Variants in EMILIN2 observed in about 807,000 individuals in gnomAD.
The protein encoded by EMILIN2 is EMILIN-2.
EMILIN2 carries 71 observed loss-of-function variants against 87.1 expected under a neutral mutation model. The ratio of observed to expected loss-of-function variants is 0.82; its 90% confidence interval spans 0.67 to 0.99. EMILIN2 has a LOEUF of 0.99. EMILIN2 is among the 50% of genes least tolerant of loss of function. The pLI, the probability that EMILIN2 is intolerant of heterozygous loss-of-function variation, is 0.00. For synonymous variants in EMILIN2, 581 were observed against 563.4 expected (o/e 1.03, Z -0.44); for missense variants, 1,407 against 1,371.8 (o/e 1.03, Z -0.40).
intron 2 of EMILIN2, among the ~76,000 whole-genome samples, chr18:2,869,919 A>G (rs1467350261): frequency 6.6e-6 from 1 of 152,110 alleles, no homozygotes; most frequent in Non-Finnish European, 1.5e-5. Context: ...AACAACTGAT[A>G]TGGGAAATAC....
At chr18:2,912,729 G>A (rs192473472) in intron 7 of EMILIN2, among the ~76,000 whole-genome samples, 4 of 152,318 alleles carry the variant, frequency 2.6e-5, no homozygotes, top group Non-Finnish European at 5.9e-5. Context: ...TGGGTTGGTG[G>A]CAAGCTTCGT....
intron 4 of EMILIN2, among the ~76,000 whole-genome samples, chr18:2,901,084 T>A (rs2076886292): frequency 6.6e-6 from 1 of 152,204 alleles, no homozygotes; most frequent in African/African-American, 2.4e-5. Flanking sequence ...TGGCATCAAT[T>A]TCTGCCTGGA....
At chr18:2,905,645 T>C (rs978453069) in intron 4 of EMILIN2, among the ~76,000 whole-genome samples, 2 of 152,054 alleles carry the variant, frequency 1.3e-5, no homozygotes, top group Non-Finnish European at 2.9e-5. Flanking sequence ...CCCAGCTTAG[T>C]GAGGCTGGAG....
chr18:2,903,399 A>C (rs1337027444), intron 4 of EMILIN2, among the ~76,000 whole-genome samples: 2 of 152,176 alleles, frequency 1.3e-5, no homozygotes, highest in Admixed American at 1.3e-4. Flanking sequence ...TCATAATGAA[A>C]ACCAGCTCCC....
chr18:2,912,502 C>T (rs1054039379), intron 7 of EMILIN2, among the ~76,000 whole-genome samples: 1 of 152,218 alleles, frequency 6.6e-6, no homozygotes, highest in Admixed American at 6.5e-5. Context: ...CCACCTACAG[C>T]TGCTTCTGCT....
chr18:2,892,319 A>G lies in EMILIN2; in HGVS notation c.2192A>G (p.Asn731Ser), dbSNP rs1238520247. 1.9e-6 allele frequency: 3 copies of G among 1,614,096 alleles called. No homozygotes were observed. Among genetic ancestry groups the G allele is most frequent in the Non-Finnish European group, 2.5e-6 (3 of 1,180,040 alleles). ...GNLQRIKEGL[N>S]KHVSSLWNCV... ...CTTCAGAGGATCAAGGAGGGGCTCA[A>G]CAAGCATGTCAGCAGCCTGTGGAAC... The change falls in exon 4 of 8, where the codon AAC (asparagine) becomes AGC (serine). Residue 731 changes from asparagine (N) to serine (S), a missense_variant. Asn to Ser is a conservative substitution (Grantham distance 46). Coordinates refer to ENST00000254528, the MANE Select transcript of EMILIN2 (RefSeq NM_032048.3).
In EMILIN2 at chr18:2,913,558, T is replaced by TAC. The variant is rs1245061068; in HGVS notation, c.*155_*156dup. On this transcript the variant is annotated 3_prime_UTR_variant, in exon 8 of 8. Coordinates refer to ENST00000254528, the MANE Select transcript of EMILIN2 (RefSeq NM_032048.3). ...CCTCGCTGTTGAGGCCACCATGCCT[T>TAC]ACTGCATCCAGCCAGGCTGCAGGGA... 1 of 620,426 alleles carries TAC rather than the reference T, an allele frequency of 1.6e-6. No individual in the cohort carries two copies. The highest frequency in any genetic ancestry group is 2.7e-6 in the Non-Finnish European group (1 of 364,606). The allele number at this position is 620,426 out of a possible 1,614,324, so 38.4% of individuals were successfully genotyped here. A position where few individuals can be genotyped will look rare whatever the true frequency, so the allele number is the denominator to read the frequency against.
chr18:2,909,942 C>A, intron 7 of EMILIN2, 123 bp downstream of exon 7: 1 of 1,363,602 alleles, frequency 7.3e-7, no homozygotes, highest in Non-Finnish European at 1.0e-6. Context: ...CACCCTGGAG[C>A]AGATGCCCGA....
At chr18:2,846,836 C>G, upstream of EMILIN2, 1 of 985,404 alleles carries the variant, frequency 1.0e-6, no homozygotes, top group Non-Finnish European at 1.2e-6. This position sits in a 1 kb window ranked among gnomAD's most constrained non-coding sequence, Gnocchi z 5.3. Flanking sequence ...CAAACCCTTT[C>G]GCCCCTCCAC....
chr18:2,862,137 A>C (rs1182236421), intron 2 of EMILIN2, among the ~76,000 whole-genome samples: 6 of 152,198 alleles, frequency 3.9e-5, no homozygotes, highest in Admixed American at 6.5e-5. Context: ...TTTTGGGCTG[A>C]GACAGTGGGG....
intron 2 of EMILIN2, among the ~76,000 whole-genome samples, chr18:2,882,925 C>T (rs974409390): frequency 6.6e-6 from 1 of 151,896 alleles, no homozygotes; most frequent in South Asian, 2.1e-4. Flanking sequence ...CCTGTAATCT[C>T]AGCATTTTGG....
chr18:2,909,955 G>A (rs1275081471), intron 7 of EMILIN2, 136 bp downstream of exon 7: 2 of 1,212,372 alleles, frequency 1.6e-6, no homozygotes, highest in African/African-American at 1.5e-5. Flanking sequence ...ATGCCCGAGT[G>A]GGCCTGCACT....
At chr18:2,860,108 GA>G (rs1254122800) in intron 2 of EMILIN2, among the ~76,000 whole-genome samples, 2 of 152,166 alleles carry the variant, frequency 1.3e-5, no homozygotes, top group Non-Finnish European at 2.9e-5. Context: ...TGTGAAGAAT[GA>G]TGGTGTTATT....
At chr18:2,901,560 C>A (rs2076888266) in intron 4 of EMILIN2, among the ~76,000 whole-genome samples, 1 of 152,240 alleles carries the variant, frequency 6.6e-6, no homozygotes, top group Non-Finnish European at 1.5e-5. Flanking sequence ...GAGGCTGTGA[C>A]CCTACCCGAC....
intron 2 of EMILIN2, among the ~76,000 whole-genome samples, chr18:2,849,166 A>G (rs1013011604): frequency 6.6e-6 from 1 of 152,234 alleles, no homozygotes; most frequent in Non-Finnish European, 1.5e-5. Flanking sequence ...TCTCTTAGTA[A>G]GATTGAGACC....
rs533079911 is a variant in EMILIN2, at chr18:2,878,823, G to A, written c.258-6141G>A. ...GTTCCCACACACATGAATGGAGCAA[G>A]AAGAGCTGGCTCCAGGCCTCTGGGG... On this transcript the variant is annotated intron_variant, in intron 2 of 7. Transcript: ENST00000254528. Among the ~76,000 whole-genome samples the A allele has an allele frequency of 7.2e-5, 11 of 152,308 alleles. No homozygotes were observed. In the South Asian group the frequency reaches 1.7e-3, roughly 23 times the overall value.
intron 3 of EMILIN2, among the ~76,000 whole-genome samples, chr18:2,889,404 C>G (rs1427462719): frequency 1.3e-5 from 2 of 152,072 alleles, no homozygotes; most frequent in African/African-American, 2.4e-5. Context: ...TTCCAAAGTG[C>G]TGGGACTACA....
At chr18:2,911,865 A>C (rs2076942465) in intron 7 of EMILIN2, among the ~76,000 whole-genome samples, 1 of 147,976 alleles carries the variant, frequency 6.8e-6, no homozygotes, top group South Asian at 2.1e-4. Flanking sequence ...ACAAAGGTGA[A>C]GGCCACACTC....
At chr18:2,887,182 C>T (rs2076807242) in intron 3 of EMILIN2, among the ~76,000 whole-genome samples, 1 of 151,808 alleles carries the variant, frequency 6.6e-6, no homozygotes, top group African/African-American at 2.4e-5. Context: ...CTCAGTTTTT[C>T]TCTAGCTTCC....
Sources: allele counts gnomAD v4.1 joint callset (sites outside exome capture counted in the v4.1 genomes callset), GRCh38; gene constraint gnomAD v4.1.1; non-coding constraint Gnocchi (gnomAD v3.1); transcripts MANE v1.5; gene names NCBI Gene and HGNC (gene_info 2026-07-23, HGNC 2026-07-21).